The following SLC44A5 variants were observed in gnomAD, a reference collection of about 807,000 sequenced individuals.
The protein encoded by SLC44A5 is choline transporter-like protein 5.
SLC44A5 carries 57 observed loss-of-function variants against 101.8 expected under a neutral mutation model. The observed-to-expected ratio is 0.56, with a 90% CI of 0.45 to 0.70. The LOEUF (loss-of-function observed/expected upper bound fraction) is 0.70, where lower values mean the gene tolerates loss of function less well. Among genes scored for constraint, SLC44A5 ranks in the 30% least tolerant of loss-of-function variants. The pLI, the probability that SLC44A5 is intolerant of heterozygous loss-of-function variation, is 0.00. For synonymous variants in SLC44A5, 281 were observed against 290.9 expected (o/e 0.97, Z 0.35); for missense variants, 737 against 853.1 (o/e 0.86, Z 1.70).
intron 2 of SLC44A5, among the ~76,000 whole-genome samples, chr1:75,410,468 T>C (rs997977706): frequency 9.2e-5 from 14 of 152,130 alleles, no homozygotes; most frequent in African/African-American, 1.7e-4. Flanking sequence ...AGAAGACCCA[T>C]GTGGTATCAA....
At chr1:75,584,764 T>A (rs1673901424) in intron 1 of SLC44A5, among the ~76,000 whole-genome samples, 1 of 151,986 alleles carries the variant, frequency 6.6e-6, no homozygotes, top group Non-Finnish European at 1.5e-5. Flanking sequence ...GCCTGGCTAA[T>A]TTTTGTGTTT....
chr1:75,532,293 T>G lies in SLC44A5; in HGVS notation c.13+9142A>C, dbSNP rs80127026. On this transcript the variant is annotated intron_variant, in intron 2 of 23. Transcript: ENST00000370859. ...CTTCCGGGATTTAAAATCCACCTCT[T>G]ACACTTAATTGCTGTTTACACTTGC... 2.6e-3 allele frequency among the ~76,000 whole-genome samples: 402 copies of G among 152,348 alleles called. 9 individuals carry two copies. In the East Asian group the frequency reaches 0.054, roughly 21 times the overall value.
At chr1:75,449,708 C>T (rs1047480322) in intron 2 of SLC44A5, among the ~76,000 whole-genome samples, 1 of 152,078 alleles carries the variant, frequency 6.6e-6, no homozygotes, top group Non-Finnish European at 1.5e-5. Context: ...TTTTAGTGTG[C>T]CTCAGCCACT....
chr1:75,721,724 A>G, the SLC44A5 span, among the ~76,000 whole-genome samples: 1 of 152,366 alleles, frequency 6.6e-6, no homozygotes, highest in African/African-American at 2.4e-5. Flanking sequence ...ACAATCCAGC[A>G]TTAGGGCATT....
intron 2 of SLC44A5, among the ~76,000 whole-genome samples, chr1:75,473,709 C>T (rs1164709474): frequency 6.6e-6 from 1 of 152,146 alleles, no homozygotes; most frequent in Non-Finnish European, 1.5e-5. Context: ...TCTTATTTTA[C>T]AAGTGCTTTT....
intron 3 of SLC44A5, among the ~76,000 whole-genome samples, chr1:75,351,956 A>C (rs867079068): frequency 3.2e-4 from 48 of 151,968 alleles, no homozygotes; most frequent in Non-Finnish European, 6.2e-4. Context: ...TTGAATTACT[A>C]ATATCTAGAA....
intron 2 of SLC44A5, among the ~76,000 whole-genome samples, chr1:75,445,621 C>T (rs1665528793): frequency 7.7e-6 from 1 of 129,046 alleles, no homozygotes; most frequent in Non-Finnish European, 1.7e-5. Context: ...ATTGGAGTGC[C>T]TGAACTCAGT....
chr1:75,232,065 C>A (rs887368761), intron 12 of SLC44A5, among the ~76,000 whole-genome samples: 9 of 152,102 alleles, frequency 5.9e-5, no homozygotes, highest in African/African-American at 2.2e-4. Context: ...TACATGTAGT[C>A]TTATTTTCTG....
chr1:75,698,032 C>T, the SLC44A5 span, among the ~76,000 whole-genome samples: 3 of 152,180 alleles, frequency 2.0e-5, no homozygotes, highest in Admixed American at 1.3e-4. Flanking sequence ...ATTGCTAGCA[C>T]AGCAGTCTGA....
chr1:75,310,978 G>T (rs941225180), intron 4 of SLC44A5, among the ~76,000 whole-genome samples: 2 of 151,842 alleles, frequency 1.3e-5, no homozygotes, highest in Non-Finnish European at 2.9e-5. Flanking sequence ...TACATTTACA[G>T]TTGTCATTAC....
At chr1:75,293,541 T>C (rs1222912644) in intron 5 of SLC44A5, among the ~76,000 whole-genome samples, 1 of 152,230 alleles carries the variant, frequency 6.6e-6, no homozygotes, top group Non-Finnish European at 1.5e-5. Context: ...AAATTGTGCT[T>C]ATGGCTTTTT....
intron 2 of SLC44A5, among the ~76,000 whole-genome samples, chr1:75,443,759 G>A (rs1309784050): frequency 6.6e-6 from 1 of 150,946 alleles, no homozygotes; most frequent in Non-Finnish European, 1.5e-5. Flanking sequence ...CAAAATTACT[G>A]TTTATTAAAG....
chr1:75,223,689 T>C (rs2100521200), intron 13 of SLC44A5, among the ~76,000 whole-genome samples: 1 of 152,332 alleles, frequency 6.6e-6, no homozygotes, highest in South Asian at 2.1e-4. Flanking sequence ...TCTATTATTA[T>C]ATCACTGAAA....
chr1:75,218,570 G>A lies in SLC44A5; in HGVS notation c.1449C>T (p.Phe483=), dbSNP rs201045073. Residue 483 remains phenylalanine, a synonymous_variant, in exon 17 of 24, where the codon TTC becomes TTT. Coordinates refer to ENST00000370859, the MANE Select transcript of SLC44A5 (RefSeq NM_001130058.2). The part of the protein sequence containing the change: ...ALGQCALAGA[F]ATYYWAMKKP... ...TTTTCATGGCCCAGTAATAAGTAGC[G>A]AATGCACCAGCAAGGGCGCACTGAC... 30 of 1,613,802 alleles carry A rather than the reference G, an allele frequency of 1.9e-5. No homozygotes were observed. The highest frequency in any genetic ancestry group is 1.0e-4 in the Admixed American group (6 of 60,000).
In SLC44A5 at chr1:75,257,399, T is replaced by C. The variant is rs79929908; in HGVS notation, c.261-6105A>G. Among the ~76,000 whole-genome samples, 68 of 152,220 alleles carry C rather than the reference T, an allele frequency of 4.5e-4. No homozygotes were observed. The East Asian group carries it at 0.012, about 27-fold the overall frequency. ...AAGAAGAACCAAAATAACAAGTAGA[T>C]AATCACACTTTGAATAGATCACCTA... On this transcript the variant is annotated intron_variant, in intron 6 of 23. Coordinates refer to ENST00000370859, the MANE Select transcript of SLC44A5 (RefSeq NM_001130058.2).
At chr1:75,619,007 T>A in the SLC44A5 span, among the ~76,000 whole-genome samples, 1 of 141,550 alleles carries the variant, frequency 7.1e-6, no homozygotes, top group African/African-American at 2.7e-5. Flanking sequence ...GATGTGGAGG[T>A]TGCAGTGAGC....
At position 75,376,585 on chromosome 1, in the gene SLC44A5, G is replaced by A. The variant is rs576303963; in HGVS notation, c.52+19998C>T. Among the ~76,000 whole-genome samples, 12 of 152,112 alleles carry A rather than the reference G, an allele frequency of 7.9e-5. No individual in the cohort carries two copies. In the South Asian group the frequency reaches 8.3e-4, roughly 11 times the overall value. On this transcript the variant is annotated intron_variant, in intron 3 of 23. Coordinates refer to ENST00000370859, the MANE Select transcript of SLC44A5 (RefSeq NM_001130058.2). ...GCAGGGGCACACTGACACCTCACAC[G>A]GCAGGGTACTCCAACAGACCTGCAG... is the stretch of plus-strand genomic sequence containing the variant.
chr1:75,683,181 T>G, the SLC44A5 span, among the ~76,000 whole-genome samples: 1 of 151,270 alleles, frequency 6.6e-6, no homozygotes, highest in East Asian at 1.9e-4. Flanking sequence ...GTTCAACCAT[T>G]GTGGAAGTCA....
At chr1:75,222,932 C>T (rs754790963) in intron 13 of SLC44A5, among the ~76,000 whole-genome samples, 1 of 152,098 alleles carries the variant, frequency 6.6e-6, no homozygotes, top group African/African-American at 2.4e-5. Flanking sequence ...TGTGACTCTT[C>T]GCACTATGGG....
Sources: allele counts gnomAD v4.1 joint callset (sites outside exome capture counted in the v4.1 genomes callset), GRCh38; gene constraint gnomAD v4.1.1; transcripts MANE v1.5; gene names NCBI Gene and HGNC (gene_info 2026-07-23, HGNC 2026-07-21).